Variants in VWF observed in about 807,000 individuals in gnomAD.
VWF encodes Factor VIII related antigen.
Under a neutral mutation model 308.6 loss-of-function variants are expected in VWF, and 176 were observed. The observed-to-expected ratio is 0.57, with a 90% CI of 0.50 to 0.65. The LOEUF (loss-of-function observed/expected upper bound fraction) is 0.65, where lower values mean the gene tolerates loss of function less well. Ranked by LOEUF, VWF falls within the 30% of genes least tolerant of loss-of-function variation. The pLI, the probability that VWF is intolerant of heterozygous loss-of-function variation, is 0.00. For synonymous variants in VWF, 1,385 were observed against 1,443.4 expected, an observed-to-expected ratio of 0.96 and a Z score of 0.92; for missense variants, 3,146 against 3,648.2, an observed-to-expected ratio of 0.86 and a Z score of 3.55.
At chr12:6,028,151 C>T (rs912074367) in intron 22 of VWF, among the ~76,000 whole-genome samples, 1 of 152,170 alleles carries the variant, frequency 6.6e-6, no homozygotes, top group Non-Finnish European at 1.5e-5. Flanking sequence ...CCACTTGTCA[C>T]ATACATGCCA....
At chr12:6,083,710 T>G (rs1944939025) in intron 6 of VWF, among the ~76,000 whole-genome samples, 1 of 152,208 alleles carries the variant, frequency 6.6e-6, no homozygotes. Context: ...GTTTTCAATT[T>G]CCCACCCCCA....
At chr12:6,112,827 G>GAC (rs58457258) in intron 3 of VWF, among the ~76,000 whole-genome samples, 6,287 of 145,082 alleles carry the variant, frequency 0.043, 202 homozygotes, top group African/African-American at 0.096. Flanking sequence ...CAGACACACA[G>GAC]ACACACACAC....
At chr12:5,993,749 A>G in intron 37 of VWF, 113 bp downstream of exon 37, 1 of 956,750 alleles carries the variant, frequency 1.0e-6, no homozygotes, top group Non-Finnish European at 1.6e-6. Context: ...AGGTCATACG[A>G]AATACAGGGA....
rs748089727 is a variant in VWF, at chr12:6,099,465, T to G, written c.533-3881A>C. 2.6e-5 allele frequency among the ~76,000 whole-genome samples: 4 copies of G among 152,288 alleles called. No individual in the cohort carries two copies. In the South Asian group the frequency reaches 8.3e-4, roughly 32 times the overall value. ...ATTTGAGATTCCTATTTATACTTCT[T>G]ATAAGATTTAGTAACTCCATATTGA... is the stretch of plus-strand genomic sequence containing the variant. On this transcript the variant is annotated intron_variant, in intron 5 of 51. Transcript: ENST00000261405.
intron 41 of VWF, 104 bp from the exon 42 acceptor site, chr12:5,982,095 G>T: frequency 9.0e-7 from 1 of 1,109,874 alleles, no homozygotes; most frequent in Non-Finnish European, 1.3e-6. Context: ...AGAAGATTAA[G>T]TCAGAAATGT....
At position 6,110,426 on chromosome 12, in the gene VWF, C is replaced by G; in HGVS notation, c.480G>C (p.Gly160=). The stretch of plus-strand genomic sequence containing the variant: ...CAAAGATGTTAAAGTTGCCACACAG[C>G]CCGCAGGTCTTGTTGAAGTATCTGT... ...LSDRYFNKTC[G]LCGNFNIFAE... is the part of the protein sequence containing the mutation. Residue 160 remains glycine, a synonymous_variant, in exon 5 of 52, where the codon GGG becomes GGC. Transcript: ENST00000261405. 6.2e-7 allele frequency: 1 copy of G among 1,614,204 alleles called. No individual in the cohort carries two copies. Among genetic ancestry groups the G allele is most frequent in the Non-Finnish European group, 8.5e-7 (1 of 1,180,042 alleles).
chr12:6,070,740 CA>C (rs1251099132), intron 10 of VWF, among the ~76,000 whole-genome samples: 9 of 152,178 alleles, frequency 5.9e-5, no homozygotes, highest in Non-Finnish European at 1.3e-4. Flanking sequence ...TGGGGCCAAA[CA>C]GAGGAGAAAG....
At chr12:5,978,533 G>C (rs948871155) in intron 42 of VWF, among the ~76,000 whole-genome samples, 3 of 152,100 alleles carry the variant, frequency 2.0e-5, no homozygotes. Context: ...CAAAGTGCTA[G>C]GATTACAGGT....
chr12:5,985,607 CCGCT>C lies in VWF; in HGVS notation c.6853_6856del (p.Ser2285GlyfsTer24). 6.2e-7 allele frequency: 1 copy of C among 1,614,156 alleles called. No homozygotes were observed. The highest frequency in any genetic ancestry group is 8.5e-7 in the Non-Finnish European group (1 of 1,180,042). The stretch of plus-strand genomic sequence containing the variant: ...CTGCGTTGTGCAGTTGACCTTCCGC[CCGCT>C]GAGGCATGTGCAGATCTGACAGGGC... On this transcript the variant is annotated frameshift_variant, in exon 39 of 52. Transcript: ENST00000261405. LOFTEE classifies it high-confidence loss of function.
chr12:6,052,428 C>T, intron 16 of VWF, 115 bp downstream of exon 16: 1 of 1,524,374 alleles, frequency 6.6e-7, no homozygotes, highest in African/African-American at 1.4e-5. Flanking sequence ...CTGGACAAGT[C>T]ACTTCCTTCC....
chr12:5,983,974 G>GGATA (rs71064178), intron 40 of VWF, among the ~76,000 whole-genome samples: 23,042 of 131,942 alleles, frequency 0.17, 2,048 homozygotes, highest in Middle Eastern at 0.24. Flanking sequence ...ATGGATAGAT[G>GGATA]GATAGATAGA....
intron 10 of VWF, among the ~76,000 whole-genome samples, chr12:6,070,948 T>A (rs1411653764): frequency 6.6e-6 from 1 of 152,226 alleles, no homozygotes; most frequent in Non-Finnish European, 1.5e-5. Context: ...ACCTCTTAAT[T>A]TTCCAAAGAA....
intron 18 of VWF, among the ~76,000 whole-genome samples, chr12:6,042,104 C>T (rs914875910): frequency 2.0e-5 from 3 of 152,168 alleles, no homozygotes; most frequent in South Asian, 2.1e-4. Flanking sequence ...ACTGGGCTTC[C>T]GGTAAAGACT....
rs2229448 is a variant in VWF at position 6,016,231 on chromosome 12, C to A, written c.5313G>T (p.Gly1771=). Residue 1771 remains glycine (G), a splice_region_variant and synonymous_variant, in exon 31 of 52, where the codon GGG becomes GGT. Transcript: ENST00000261405. ...ATCGCACAGCAAAGCCCAAGGCATC[C>A]CCTGAGGATGGAGAACAGATCACGC... ...MQREGGPSQI[G]DALGFAVRYL... is the part of the protein sequence containing the mutation. The A allele has an allele frequency of 2.2e-3, 3,558 of 1,614,156 alleles. 41 individuals are homozygous for A. The African/African-American group carries it at 0.029, about 13-fold the overall frequency.
intron 38 of VWF, among the ~76,000 whole-genome samples, chr12:5,990,770 C>T (rs1196473180): frequency 6.7e-6 from 1 of 148,880 alleles, no homozygotes; most frequent in African/African-American, 2.5e-5. Context: ...CAAATATACA[C>T]GGGGTCAACT....
intron 45 of VWF, among the ~76,000 whole-genome samples, chr12:5,968,458 G>C (rs909059218): frequency 6.6e-6 from 1 of 152,128 alleles, no homozygotes; most frequent in Non-Finnish European, 1.5e-5. Flanking sequence ...GAGGATGTTT[G>C]GGTTTATGAA....
intron 42 of VWF, among the ~76,000 whole-genome samples, chr12:5,977,717 A>G (rs2136365164): frequency 6.6e-6 from 1 of 152,002 alleles, no homozygotes; most frequent in East Asian, 1.9e-4. Context: ...AAAAACATAC[A>G]AAAATTAGCC....
intron 30 of VWF, 93 bp from the exon 31 acceptor site, chr12:6,016,325 A>G (rs765280599): frequency 6.4e-5 from 101 of 1,588,146 alleles, no homozygotes; most frequent in Non-Finnish European, 8.5e-5. Context: ...TAAAAGCTGA[A>G]TGATTCAGAA....
At position 6,019,491 on chromosome 12, in the gene VWF, G is replaced by T. The variant is rs1373282267; in HGVS notation, c.3927C>A (p.Ile1309=). 1 of 1,613,848 alleles carries T rather than the reference G, an allele frequency of 6.2e-7. No homozygotes were observed. The highest frequency in any genetic ancestry group is 1.3e-5 in the African/African-American group (1 of 74,924). ...CGGCCACGCGGACCCACTTCTGGGAGATGCGCAGCCGCTCCATCATGTCCA... is the reference window on the plus strand; with the variant it reads ...CGGCCACGCGGACCCACTTCTGGGATATGCGCAGCCGCTCCATCATGTCCA... The part of the protein sequence containing the change: ...FVVDMMERLR[I]SQKWVRVAVV... Residue 1309 remains isoleucine, a synonymous_variant, in exon 28 of 52, where the codon ATC becomes ATA. Coordinates refer to ENST00000261405, the MANE Select transcript of VWF (RefSeq NM_000552.5). This position sits in a 1 kb window ranked among gnomAD's most constrained non-coding sequence, Gnocchi z 5.8.
Sources: allele counts gnomAD v4.1 joint callset (sites outside exome capture counted in the v4.1 genomes callset), GRCh38; gene constraint gnomAD v4.1.1; non-coding constraint Gnocchi (gnomAD v3.1); transcripts MANE v1.5; gene names NCBI Gene and HGNC (gene_info 2026-07-23, HGNC 2026-07-21).